The following CFAP20DC variants were observed in gnomAD, a reference collection of about 807,000 sequenced individuals.
CFAP20DC encodes the protein protein CFAP20DC.
CFAP20DC carries 84 observed loss-of-function variants against 101.7 expected under a neutral mutation model. The ratio of observed to expected loss-of-function variants is 0.83; its 90% confidence interval spans 0.69 to 0.99. CFAP20DC has a LOEUF of 0.99. Among genes scored for constraint, CFAP20DC ranks in the 50% least tolerant of loss-of-function variants. The probability of loss-of-function intolerance (pLI) is 0.00; values close to 1 mark genes in which losing one functional copy is unlikely to be tolerated. For synonymous variants in CFAP20DC, 359 were observed against 351.2 expected (o/e 1.02, Z -0.25); for missense variants, 1,007 against 970.3 (o/e 1.04, Z -0.50).
rs1198284620 is a variant in CFAP20DC, at chr3:58,899,849, T to C, written c.550+13859A>G. Among the ~76,000 whole-genome samples the C allele has an allele frequency of 6.6e-6, 1 of 152,090 alleles. No individual in the cohort carries two copies. The highest frequency in any genetic ancestry group is 1.9e-4 in the East Asian group (1 of 5,182). On this transcript the variant is annotated intron_variant, in intron 6 of 16. Coordinates refer to ENST00000482387, the MANE Select transcript of CFAP20DC (RefSeq NM_001394063.1). The surrounding 1 kb of genome is among the most constrained non-coding windows in gnomAD (Gnocchi z 5.0). ...AGAACCTGGATATTTCAGCTGAGGG[T>C]GCTGAACTCACTTGCCACTTTCACT...
At chr3:58,772,072 C>T (rs1291002172) in intron 15 of CFAP20DC, among the ~76,000 whole-genome samples, 1 of 152,214 alleles carries the variant, frequency 6.6e-6, no homozygotes, top group African/African-American at 2.4e-5. Context: ...CTTTCCTCCC[C>T]TTCACAATGC....
At position 58,958,539 on chromosome 3, in the gene CFAP20DC, T is replaced by C. The variant is rs555414867; in HGVS notation, c.279-20777A>G. Among the ~76,000 whole-genome samples the C allele has an allele frequency of 7.1e-4, 108 of 152,294 alleles. 3 individuals carry two copies. The South Asian group carries it at 0.021, about 29-fold the overall frequency. ...CACGTTTTCACTGTTCATAGGTACA[T>C]ATCAGGAAAAGTGGCTGTGCTGTTT... On this transcript the variant is annotated intron_variant, in intron 4 of 16. Transcript: ENST00000482387.
At chr3:58,760,182 T>C (rs919013565) in intron 15 of CFAP20DC, among the ~76,000 whole-genome samples, 4 of 152,124 alleles carry the variant, frequency 2.6e-5, no homozygotes, top group African/African-American at 9.7e-5. Context: ...AATGTTCTTC[T>C]ATTTCTTTGT....
At chr3:58,815,209 C>T (rs1332285109) in intron 14 of CFAP20DC, among the ~76,000 whole-genome samples, 1 of 151,666 alleles carries the variant, frequency 6.6e-6, no homozygotes, top group East Asian at 1.9e-4. Flanking sequence ...CGCTGCATAT[C>T]TACAACTATC....
chr3:58,890,913 C>T (rs1324236566), intron 6 of CFAP20DC, among the ~76,000 whole-genome samples: 4 of 146,200 alleles, frequency 2.7e-5, no homozygotes, highest in Non-Finnish European at 3.0e-5. Context: ...GGATGGCGGC[C>T]GGGCGGAGAC....
At chr3:58,955,542 C>A (rs1287078490) in intron 4 of CFAP20DC, among the ~76,000 whole-genome samples, 1 of 152,138 alleles carries the variant, frequency 6.6e-6, no homozygotes, top group Non-Finnish European at 1.5e-5. Flanking sequence ...AGGCAAATCA[C>A]TGATCCCAGC....
At chr3:58,890,914 G>A (rs1428395392) in intron 6 of CFAP20DC, among the ~76,000 whole-genome samples, 5 of 147,542 alleles carry the variant, frequency 3.4e-5, no homozygotes, top group South Asian at 2.2e-4. Flanking sequence ...GATGGCGGCC[G>A]GGCGGAGACG....
At chr3:58,767,377 T>C (rs961281841) in intron 15 of CFAP20DC, among the ~76,000 whole-genome samples, 1 of 152,184 alleles carries the variant, frequency 6.6e-6, no homozygotes. Context: ...GGAAGCAGAA[T>C]GTTTATTCAG....
chr3:58,988,922 T>C (rs2092839913), intron 4 of CFAP20DC, among the ~76,000 whole-genome samples: 5 of 152,180 alleles, frequency 3.3e-5, no homozygotes, highest in Admixed American at 3.3e-4. Context: ...TATGATGATG[T>C]CTTTTGCCAG....
At chr3:58,848,931 CA>C (rs766744850) in intron 13 of CFAP20DC, 100 bp downstream of exon 13, 10 of 1,345,502 alleles carry the variant, frequency 7.4e-6, no homozygotes, top group Non-Finnish European at 9.8e-6. Flanking sequence ...ACTCATCACC[CA>C]AATGATGAAA....
chr3:58,723,271 C>T (rs1301673703), intron 3 of CFAP20DC, among the ~76,000 whole-genome samples: 2 of 152,194 alleles, frequency 1.3e-5, no homozygotes, highest in African/African-American at 4.8e-5. Context: ...AAATATGCAA[C>T]ACTTTGTAAC....
intron 4 of CFAP20DC, among the ~76,000 whole-genome samples, chr3:58,963,139 C>G (rs761798443): frequency 6.6e-6 from 1 of 150,442 alleles, no homozygotes; most frequent in Admixed American, 6.7e-5. Context: ...CTGCAGCAGC[C>G]CCAGACAAAG....
chr3:59,038,860 C>T (rs189931037), intron 4 of CFAP20DC, among the ~76,000 whole-genome samples: 217 of 152,048 alleles, frequency 1.4e-3, no homozygotes, highest in Non-Finnish European at 2.6e-3. Flanking sequence ...AAATAAAAAC[C>T]TAAGCTCAGA....
At chr3:58,896,396 T>G (rs1265863852) in intron 6 of CFAP20DC, among the ~76,000 whole-genome samples, 2 of 152,232 alleles carry the variant, frequency 1.3e-5, no homozygotes, top group African/African-American at 4.8e-5. Context: ...ATTTCAGCTC[T>G]GATCTTGGTT....
intron 1 of CFAP20DC, 143 bp downstream of exon 1, chr3:59,049,468 G>T: frequency 1.2e-6 from 1 of 834,922 alleles, no homozygotes; most frequent in Non-Finnish European, 2.0e-6. Context: ...TGGGTCAACA[G>T]CATTCACCCA....
intron 3 of CFAP20DC, among the ~76,000 whole-genome samples, chr3:58,719,992 A>G (rs2067448387): frequency 6.6e-6 from 1 of 152,218 alleles, no homozygotes; most frequent in Admixed American, 6.5e-5. Context: ...AATCTGGTTA[A>G]ATGTCTCCTT....
intron 5 of CFAP20DC, among the ~76,000 whole-genome samples, chr3:58,923,626 T>C (rs1412478167): frequency 6.6e-6 from 1 of 152,208 alleles, no homozygotes; most frequent in Non-Finnish European, 1.5e-5. Flanking sequence ...GCATATAATG[T>C]ATCTTTTACC....
At chr3:58,815,538 C>T (rs1005214990) in intron 14 of CFAP20DC, among the ~76,000 whole-genome samples, 4 of 150,940 alleles carry the variant, frequency 2.7e-5, no homozygotes, top group Admixed American at 6.6e-5. Context: ...ACCTTCTGCA[C>T]AGCAAAAGAA....
downstream of CFAP20DC, chr3:58,737,162 T>G (rs553129539): frequency 2.2e-6 from 1 of 456,498 alleles, no homozygotes; most frequent in East Asian, 6.9e-5. The surrounding 1 kb of genome is among the most constrained non-coding windows in gnomAD (Gnocchi z 4.1). Context: ...ATACCTTGTT[T>G]TGGATGAAAA....
Sources: allele counts gnomAD v4.1 joint callset (sites outside exome capture counted in the v4.1 genomes callset), GRCh38; gene constraint gnomAD v4.1.1; non-coding constraint Gnocchi (gnomAD v3.1); transcripts MANE v1.5; gene names NCBI Gene and HGNC (gene_info 2026-07-23, HGNC 2026-07-21).